The following KCND2 variants were observed in gnomAD, a reference collection of about 807,000 sequenced individuals.
KCND2 encodes the protein A-type voltage-gated potassium channel KCND2.
Under a neutral mutation model 54.4 loss-of-function variants are expected in KCND2, and 16 were observed. The ratio of observed to expected loss-of-function variants is 0.29; its 90% CI spans 0.20 to 0.45. The LOEUF (loss-of-function observed/expected upper bound fraction) is 0.45, where lower values mean the gene tolerates loss of function less well. Among genes scored for constraint, KCND2 ranks in the 20% least tolerant of loss-of-function variants. The pLI is 1.00. For missense variants in KCND2, 486 were observed against 824.2 expected, an observed-to-expected ratio of 0.59 and a Z score of 5.02; for synonymous variants, 317 against 310.7, an observed-to-expected ratio of 1.02 and a Z score of -0.21.
chr7:120,403,645 GT>G (rs1801301558), intron 1 of KCND2, among the ~76,000 whole-genome samples: 1 of 150,714 alleles, frequency 6.6e-6, no homozygotes, highest in South Asian at 2.1e-4. Flanking sequence ...TTTTTTTAAC[GT>G]AAGACTTATA....
At chr7:120,409,689 G>T (rs1801419744) in intron 1 of KCND2, among the ~76,000 whole-genome samples, 1 of 150,200 alleles carries the variant, frequency 6.7e-6, no homozygotes, top group African/African-American at 2.4e-5. Context: ...CTTTTTTTTT[G>T]GTCAAAATTA....
At chr7:120,467,975 C>A (rs1053711105) in intron 1 of KCND2, among the ~76,000 whole-genome samples, 3 of 151,940 alleles carry the variant, frequency 2.0e-5, no homozygotes, top group African/African-American at 7.3e-5. Flanking sequence ...TAGCCACTTA[C>A]GAAGTTCACT....
intron 1 of KCND2, among the ~76,000 whole-genome samples, chr7:120,670,351 T>C (rs926183388): frequency 2.0e-5 from 3 of 152,130 alleles, no homozygotes; most frequent in African/African-American, 7.2e-5. Context: ...TTATATTTTC[T>C]GCTAGTTGAT....
chr7:120,566,711 A>T (rs1445701012), intron 1 of KCND2, among the ~76,000 whole-genome samples: 1 of 151,938 alleles, frequency 6.6e-6, no homozygotes, highest in Non-Finnish European at 1.5e-5. Flanking sequence ...CAGTTAAATA[A>T]ATTGGCATGA....
At chr7:120,530,929 C>G (rs568823296) in intron 1 of KCND2, among the ~76,000 whole-genome samples, 1 of 152,158 alleles carries the variant, frequency 6.6e-6, no homozygotes, top group South Asian at 2.1e-4. Flanking sequence ...CATTATAATA[C>G]TTCCTGGTGT....
rs570825675 is a variant in KCND2, at chr7:120,398,837, G to A, written c.1115+123090G>A. 3.6e-4 allele frequency among the ~76,000 whole-genome samples: 55 copies of A among 152,190 alleles called. 1 individual carries two copies. The South Asian group carries it at 0.011, about 30-fold the overall frequency. Reference sequence around the variant, plus strand: ...AGTACCCTTAATGGACTAAAGTAGAGGAGAAACTGGTGGCAAGAAAACAAT... The same window carrying A: ...AGTACCCTTAATGGACTAAAGTAGAAGAGAAACTGGTGGCAAGAAAACAAT... On this transcript the variant is annotated intron_variant, in intron 1 of 5. Coordinates refer to ENST00000331113, the MANE Select transcript of KCND2 (RefSeq NM_012281.3).
At chr7:120,285,644 T>G (rs78376129) in intron 1 of KCND2, among the ~76,000 whole-genome samples, 109 of 152,098 alleles carry the variant, frequency 7.2e-4, no homozygotes, top group African/African-American at 2.6e-3. Flanking sequence ...ATTTTTTTAA[T>G]GTTTGCAATA....
At chr7:120,381,423 C>A (rs1418138848) in intron 1 of KCND2, among the ~76,000 whole-genome samples, 1 of 151,956 alleles carries the variant, frequency 6.6e-6, no homozygotes, top group African/African-American at 2.4e-5. Context: ...CCAAGGGAAG[C>A]AACTTCAAGT....
rs557312650 is a variant in KCND2, at chr7:120,636,982, T to C, written c.1116-95921T>C. On this transcript the variant is annotated intron_variant, in intron 1 of 5. Coordinates refer to ENST00000331113, the MANE Select transcript of KCND2 (RefSeq NM_012281.3). ...AAATTCAGACTTTGTGGCTCCATTATGTAGACAAACTGGGAAGAAAAGGTA... is the reference window on the plus strand; with the variant it reads ...AAATTCAGACTTTGTGGCTCCATTACGTAGACAAACTGGGAAGAAAAGGTA... Among the ~76,000 whole-genome samples, 22 of 152,242 alleles carry C rather than the reference T, an allele frequency of 1.4e-4. No homozygotes were observed. In the East Asian group the frequency reaches 2.7e-3, roughly 19 times the overall value.
intron 5 of KCND2, 95 bp downstream of exon 5, chr7:120,746,122 C>A: frequency 1.4e-6 from 2 of 1,410,508 alleles, no homozygotes; most frequent in Non-Finnish European, 2.0e-6. Flanking sequence ...CATCTAAATC[C>A]CTAGCTCCTA....
rs116408751 is a variant in KCND2, at chr7:120,481,595, G to A, written c.1115+205848G>A. Among the ~76,000 whole-genome samples the A allele has an allele frequency of 6.1e-3, 935 of 152,274 alleles. 8 individuals carry two copies. The highest frequency in any genetic ancestry group is 0.021 in the African/African-American group (861 of 41,558). On this transcript the variant is annotated intron_variant, in intron 1 of 5. Transcript: ENST00000331113. ...TCCTATCACAGGTCCAGAGTTCTAA[G>A]AGGGTGGAATGGTTTTCAGGGGTGA...
At chr7:120,637,088 C>G (rs553079433) in intron 1 of KCND2, among the ~76,000 whole-genome samples, 31 of 152,188 alleles carry the variant, frequency 2.0e-4, no homozygotes, top group African/African-American at 7.5e-4. Flanking sequence ...GCACTTTGCC[C>G]TATACTCTGA....
intron 1 of KCND2, among the ~76,000 whole-genome samples, chr7:120,287,477 A>G (rs1039039896): frequency 2.6e-5 from 4 of 152,102 alleles, no homozygotes; most frequent in Non-Finnish European, 4.4e-5. Context: ...CATCAAATAT[A>G]AGAACCACTG....
At chr7:120,312,247 G>T (rs1799745566) in intron 1 of KCND2, among the ~76,000 whole-genome samples, 2 of 151,998 alleles carry the variant, frequency 1.3e-5, no homozygotes, top group Non-Finnish European at 2.9e-5. Context: ...GTATTCCATG[G>T]TGTATATGCA....
At chr7:120,739,662 G>A (rs796973662) in intron 2 of KCND2, among the ~76,000 whole-genome samples, 93 of 151,978 alleles carry the variant, frequency 6.1e-4, no homozygotes, top group African/African-American at 2.2e-3. Flanking sequence ...AGGGAAGAGG[G>A]GTGGAGTTAA....
intron 2 of KCND2, among the ~76,000 whole-genome samples, chr7:120,739,135 A>G (rs747571149): frequency 6.6e-6 from 1 of 151,896 alleles, no homozygotes; most frequent in Non-Finnish European, 1.5e-5. Context: ...ATGTCATTTT[A>G]TTTTGCTGGA....
chr7:120,631,874 A>G (rs1447661184), intron 1 of KCND2, among the ~76,000 whole-genome samples: 1 of 152,186 alleles, frequency 6.6e-6, no homozygotes, highest in Non-Finnish European at 1.5e-5. Flanking sequence ...ACTAAGGAAT[A>G]ACAGAGAATG....
At chr7:120,673,904 TA>T (rs140337813) in intron 1 of KCND2, among the ~76,000 whole-genome samples, 5 of 146,392 alleles carry the variant, frequency 3.4e-5, no homozygotes, top group Admixed American at 6.8e-5. Flanking sequence ...CTGCCTCTTT[TA>T]TTTATTTTTT....
chr7:120,515,818 C>G (rs1275484108), intron 1 of KCND2, among the ~76,000 whole-genome samples: 1 of 152,086 alleles, frequency 6.6e-6, no homozygotes, highest in Non-Finnish European at 1.5e-5. Flanking sequence ...ATGGCAGATC[C>G]TTTCCCTTTC....
Sources: gnomAD v4.1 joint callset for allele counts (sites outside exome capture counted in the v4.1 genomes callset) on GRCh38, gnomAD v4.1.1 for gene constraint, MANE v1.5 for transcripts, NCBI Gene and HGNC (gene_info 2026-07-23, HGNC 2026-07-21) for gene names.